GRM7: variants seen among roughly 807,000 people sequenced by gnomAD.
GRM7 encodes glutamate metabotropic receptor 7.
GRM7 carries 35 observed loss-of-function variants against 84.5 expected under a neutral mutation model. The ratio of observed to expected loss-of-function variants is 0.41; its 90% CI spans 0.32 to 0.55. GRM7 has a LOEUF of 0.55. Ranked by LOEUF, GRM7 falls within the 20% of genes least tolerant of loss-of-function variation. The probability of loss-of-function intolerance (pLI) is 0.19; values close to 1 mark genes in which losing one functional copy is unlikely to be tolerated. For synonymous variants in GRM7, 487 were observed against 455.1 expected, an observed-to-expected ratio of 1.07 and a Z score of -0.89; for missense variants, 1,003 against 1,194.6, an observed-to-expected ratio of 0.84 and a Z score of 2.36.
chr3:7,021,101 T>G (rs1695759284), intron 1 of GRM7, among the ~76,000 whole-genome samples: 1 of 152,230 alleles, frequency 6.6e-6, no homozygotes, highest in Non-Finnish European at 1.5e-5. Context: ...CCTTATTATC[T>G]TTGAGCTATT....
intron 2 of GRM7, among the ~76,000 whole-genome samples, chr3:7,249,496 T>A (rs1166839570): frequency 6.6e-6 from 1 of 152,202 alleles, no homozygotes; most frequent in Non-Finnish European, 1.5e-5. Flanking sequence ...ATATTTTGAA[T>A]GCTTATATTA....
chr3:6,960,430 A>G (rs1693248758), intron 1 of GRM7, among the ~76,000 whole-genome samples: 1 of 152,048 alleles, frequency 6.6e-6, no homozygotes, highest in Non-Finnish European at 1.5e-5. Flanking sequence ...CACACTTCCT[A>G]TGCTTCTGAC....
Position 7,579,072 on chromosome 3 carries a change from T to C in GRM7, c.2166T>C (p.Gly722=), listed in dbSNP as rs1695109856. ...TTCTAGGGGTGTTCATTTGGTTTGG[T>C]GTTGATCCACCCAACATCATCATAG... is the stretch of plus-strand genomic sequence containing the variant. ...VQLLGVFIWF[G]VDPPNIIIDY... Residue 722 remains glycine (G), a synonymous_variant, in exon 8 of 10, where the codon GGT becomes GGC. Coordinates refer to ENST00000357716, the MANE Select transcript of GRM7 (RefSeq NM_000844.4). The C allele has an allele frequency of 1.9e-6, 3 of 1,614,128 alleles. No homozygotes were observed. In the African/African-American group the frequency reaches 4.0e-5, roughly 22 times the overall value.
At chr3:7,025,213 TCC>T (rs1695937060) in intron 1 of GRM7, among the ~76,000 whole-genome samples, 3 of 152,194 alleles carry the variant, frequency 2.0e-5, no homozygotes, top group African/African-American at 7.2e-5. Flanking sequence ...GAATAATCTC[TCC>T]ATCTCAAGGT....
At chr3:7,643,747 C>T (rs1698475552) in intron 8 of GRM7, among the ~76,000 whole-genome samples, 1 of 152,110 alleles carries the variant, frequency 6.6e-6, no homozygotes, top group South Asian at 2.1e-4. Context: ...TTATTAATAT[C>T]ACTATCATCA....
intron 2 of GRM7, among the ~76,000 whole-genome samples, chr3:7,293,755 G>T (rs1389632443): frequency 6.6e-6 from 1 of 152,088 alleles, no homozygotes; most frequent in African/African-American, 2.4e-5. Context: ...TTTTTTGCTG[G>T]TAGGTACATG....
chr3:6,991,061 T>C (rs1487962369), intron 1 of GRM7, among the ~76,000 whole-genome samples: 3 of 152,082 alleles, frequency 2.0e-5, no homozygotes, highest in African/African-American at 7.2e-5. Context: ...AGAGCCAGAC[T>C]CTGTCTTAAT....
chr3:7,087,158 A>C (rs1334509117), intron 1 of GRM7, among the ~76,000 whole-genome samples: 1 of 152,166 alleles, frequency 6.6e-6, no homozygotes, highest in African/African-American at 2.4e-5. Flanking sequence ...TCTTCTTATG[A>C]TTAAGAAATT....
intron 2 of GRM7, among the ~76,000 whole-genome samples, chr3:7,186,663 G>A (rs1013588379): frequency 2.6e-5 from 4 of 152,096 alleles, no homozygotes; most frequent in Admixed American, 2.6e-4. Flanking sequence ...ATGATTTTGT[G>A]TTATCATGTA....
rs1197665287 is a variant in GRM7, at chr3:7,099,972, A to C, written c.520-46480A>C. 2.7e-5 allele frequency among the ~76,000 whole-genome samples: 4 copies of C among 147,916 alleles called. No homozygotes were observed. The Admixed American group carries it at 2.7e-4, about 10-fold the overall frequency. ...ATGTATATATACATATATTATACAT[A>C]TATAATTGCATATGTACATATATAA... On this transcript the variant is annotated intron_variant, in intron 1 of 9. Coordinates refer to ENST00000357716, the MANE Select transcript of GRM7 (RefSeq NM_000844.4).
At chr3:7,540,081 C>T (rs1023371387) in intron 7 of GRM7, among the ~76,000 whole-genome samples, 1 of 152,178 alleles carries the variant, frequency 6.6e-6, no homozygotes, top group African/African-American at 2.4e-5. Flanking sequence ...CAGACTATAA[C>T]AAGTATTGAC....
chr3:7,185,142 A>G (rs1331853542), intron 2 of GRM7, among the ~76,000 whole-genome samples: 4 of 152,114 alleles, frequency 2.6e-5, no homozygotes, highest in Admixed American at 2.6e-4. Context: ...GATTTCTGCA[A>G]ATGCGACCAC....
At chr3:7,483,479 A>T (rs1699209025) in intron 7 of GRM7, among the ~76,000 whole-genome samples, 3 of 152,206 alleles carry the variant, frequency 2.0e-5, no homozygotes, top group African/African-American at 4.8e-5. Flanking sequence ...TGGAAGTGAA[A>T]GAAGCCAATG....
intron 9 of GRM7, among the ~76,000 whole-genome samples, chr3:7,731,705 C>A (rs886895041): frequency 6.6e-5 from 10 of 152,166 alleles, no homozygotes; most frequent in Non-Finnish European, 1.3e-4. Flanking sequence ...CTAAGACATG[C>A]AATTTCCCCA....
chr3:7,495,666 C>G (rs1699676502), intron 7 of GRM7, among the ~76,000 whole-genome samples: 2 of 152,174 alleles, frequency 1.3e-5, no homozygotes, highest in African/African-American at 4.8e-5. Flanking sequence ...CCCAGTAGGT[C>G]TTCCTTGAAA....
At chr3:7,071,445 T>G (rs1697879658) in intron 1 of GRM7, among the ~76,000 whole-genome samples, 1 of 152,052 alleles carries the variant, frequency 6.6e-6, no homozygotes, top group Non-Finnish European at 1.5e-5. Flanking sequence ...GGTGAAGAAA[T>G]GCTGTCTTCC....
intron 1 of GRM7, among the ~76,000 whole-genome samples, chr3:6,894,897 GA>G (rs1696118894): frequency 2.0e-5 from 3 of 152,180 alleles, no homozygotes; most frequent in Non-Finnish European, 4.4e-5. Flanking sequence ...CTAGGAGATG[GA>G]AAGGTATCTC....
chr3:7,404,802 A>AT (rs1252730354), intron 4 of GRM7, among the ~76,000 whole-genome samples: 3 of 151,806 alleles, frequency 2.0e-5, no homozygotes, highest in African/African-American at 2.4e-5. Context: ...TAAAAAAAAA[A>AT]AATAATAATA....
chr3:7,671,004 G>A (rs1699897383), intron 8 of GRM7, among the ~76,000 whole-genome samples: 1 of 152,176 alleles, frequency 6.6e-6, no homozygotes, highest in South Asian at 2.1e-4. Flanking sequence ...CATTTTTAGT[G>A]CTCTCAAACC....
Sources: allele counts gnomAD v4.1 joint callset (sites outside exome capture counted in the v4.1 genomes callset), GRCh38; gene constraint gnomAD v4.1.1; transcripts MANE v1.5; gene names NCBI Gene and HGNC (gene_info 2026-07-23, HGNC 2026-07-21).